Variants in AARS1 observed in about 807,000 individuals in gnomAD.
AARS1 encodes the protein alanine--tRNA ligase, cytoplasmic.
A neutral mutation model predicts 108.9 loss-of-function variants in AARS1; 72 were observed. The ratio of observed to expected loss-of-function variants is 0.66; its 90% confidence interval spans 0.55 to 0.80. The LOEUF (loss-of-function observed/expected upper bound fraction) is 0.80. AARS1 is among the 30% of genes least tolerant of loss of function. The pLI, the probability that AARS1 is intolerant of heterozygous loss-of-function variation, is 0.00. For synonymous variants in AARS1, 489 were observed against 465.7 expected (o/e 1.05, Z -0.64); for missense variants, 1,193 against 1,233.2 (o/e 0.97, Z 0.49).
intron 1 of AARS1, among the ~76,000 whole-genome samples, chr16:70,288,179 T>C (rs1262805864): frequency 7.3e-6 from 1 of 136,128 alleles, no homozygotes; most frequent in Non-Finnish European, 1.5e-5. Context: ...CTCAGCTCAC[T>C]GCAAGCTCCG....
At position 70,265,906 on chromosome 16, in the gene AARS1, C is replaced by G. The variant is rs549342422; in HGVS notation, c.1223-244G>C. 1.7e-4 allele frequency among the ~76,000 whole-genome samples: 26 copies of G among 152,340 alleles called. No individual in the cohort carries two copies. The South Asian group carries it at 5.2e-3, about 30-fold the overall frequency. On this transcript the variant is annotated intron_variant, in intron 9 of 20. Coordinates refer to ENST00000261772, the MANE Select transcript of AARS1 (RefSeq NM_001605.3). ...TTTTAAACCTCACCTGGGCTGGGCA[C>G]CGTGGCTCGCGCCTGTAATCCCAGC...
chr16:70,275,756 C>CCAA (rs577828514), intron 4 of AARS1, among the ~76,000 whole-genome samples: 31 of 149,618 alleles, frequency 2.1e-4, no homozygotes, highest in East Asian at 4.0e-4. Context: ...GAGCGAGACT[C>CCAA]CAACAACAAC....
In AARS1 at chr16:70,258,961, C is replaced by T; in HGVS notation, c.1992+19G>A. On this transcript the variant is annotated intron_variant, in intron 14 of 20. Transcript: ENST00000261772. ...TGACGGTGTGGGGAGGGGGGGCATT[C>T]AGCCGTCGCCCATCCTACCTTGGCT... 1 of 1,612,196 alleles carries T rather than the reference C, an allele frequency of 6.2e-7. No homozygotes were observed. The highest frequency in any genetic ancestry group is 1.1e-5 in the South Asian group (1 of 91,002).
intron 1 of AARS1, among the ~76,000 whole-genome samples, chr16:70,287,033 C>T (rs1245501989): frequency 4.6e-5 from 7 of 151,078 alleles, no homozygotes; most frequent in Admixed American, 6.6e-5. Context: ...GGGCGGATCA[C>T]GAGGTCAGGA....
chr16:70,267,816 A>C lies in AARS1; in HGVS notation c.1072-7T>G. 1.2e-6 allele frequency: 2 copies of C among 1,614,086 alleles called. No homozygotes were observed. The highest frequency in any genetic ancestry group is 1.7e-6 in the Non-Finnish European group (2 of 1,179,998). On this transcript the variant is annotated splice_region_variant and splice_polypyrimidine_tract_variant and intron_variant, in intron 8 of 20. Transcript: ENST00000261772. ...GCTCAGGAAATGCATCTCCCTGACA[A>C]AGGGGAAGCAAGATGAGGGGCTGGA...
intron 2 of AARS1, among the ~76,000 whole-genome samples, chr16:70,280,147 G>C (rs1187587472): frequency 6.6e-6 from 1 of 152,036 alleles, no homozygotes; most frequent in Non-Finnish European, 1.5e-5. Context: ...CAACTCTTGG[G>C]CTCAAGCAAT....
intron 2 of AARS1, 98 bp from the exon 3 acceptor site, chr16:70,277,252 G>A: frequency 2.4e-6 from 3 of 1,254,784 alleles, no homozygotes; most frequent in Non-Finnish European, 2.3e-6. Flanking sequence ...TAACTGTGCA[G>A]TTCATGATTA....
At chr16:70,275,947 A>AAAAAAAAAAAAAAAC (rs1960538288) in intron 4 of AARS1, 1 of 148,260 alleles carries the variant, frequency 6.7e-6, no homozygotes, top group African/African-American at 2.5e-5. Flanking sequence ...AAAAAAAAAA[A>AAAAAAAAAAAAAAAC]AAAAAAAAAA....
At chr16:70,272,255 A>G (rs1355252616) in intron 4 of AARS1, among the ~76,000 whole-genome samples, 1 of 152,180 alleles carries the variant, frequency 6.6e-6, no homozygotes, top group Non-Finnish European at 1.5e-5. Context: ...CTGTAATCCC[A>G]GCATTTTGGG....
At chr16:70,286,362 A>ATTTTT (rs1000406265) in intron 1 of AARS1, among the ~76,000 whole-genome samples, 11 of 117,102 alleles carry the variant, frequency 9.4e-5, no homozygotes, top group African/African-American at 1.7e-4. Context: ...CTCCACAGGA[A>ATTTTT]TTTTTTTTTT....
chr16:70,267,024 G>A (rs769612494), intron 9 of AARS1, among the ~76,000 whole-genome samples: 6 of 152,034 alleles, frequency 3.9e-5, no homozygotes, highest in Non-Finnish European at 7.4e-5. Context: ...TTTTAGTAGA[G>A]ACGGGGTTTT....
rs1206733722 is a variant in AARS1 at position 70,289,465 on chromosome 16, G to A, written c.-66C>T. On this transcript the variant is annotated 5_prime_UTR_variant, in exon 1 of 21. Transcript: ENST00000261772. Reference sequence around the variant, plus strand: ...CCCAGCTCCTCCCTCAGAGTCCCCCGCCAAGGGCCCGCTGCACCTATTCCC... The same window carrying A: ...CCCAGCTCCTCCCTCAGAGTCCCCCACCAAGGGCCCGCTGCACCTATTCCC... The A allele has an allele frequency of 2.8e-5, 12 of 423,128 alleles. No homozygotes were observed. Among genetic ancestry groups the A allele is most frequent in the Non-Finnish European group, 5.3e-5 (11 of 209,518 alleles). The allele number at this position is 423,128 out of a possible 1,614,324, so 26.2% of individuals were successfully genotyped here.
intron 12 of AARS1, 120 bp downstream of exon 12, chr16:70,262,226 G>T (rs1267004475): frequency 6.4e-6 from 8 of 1,258,750 alleles, no homozygotes; most frequent in Non-Finnish European, 8.1e-6. Context: ...AAATACCATG[G>T]AACCCAACCC....
At chr16:70,265,214 C>G (rs1260229335) in intron 10 of AARS1, 112 bp from the exon 11 acceptor site, 5 of 1,343,888 alleles carry the variant, frequency 3.7e-6, no homozygotes, top group Non-Finnish European at 5.3e-6. Context: ...CAGGGTTTTT[C>G]AATCCTGGCA....
chr16:70,260,149 G>C (rs938735041), intron 13 of AARS1, among the ~76,000 whole-genome samples: 6 of 152,270 alleles, frequency 3.9e-5, no homozygotes, highest in Non-Finnish European at 7.3e-5. Context: ...TCCAACTATA[G>C]AGCTGAGTAC....
At chr16:70,268,411 C>T in intron 7 of AARS1, 32 bp from the exon 8 acceptor site, 1 of 1,594,432 alleles carries the variant, frequency 6.3e-7, no homozygotes, top group Non-Finnish European at 8.6e-7. Flanking sequence ...CCCCAACGTT[C>T]CCAGCTGAGG....
At chr16:70,281,781 G>A (rs901062942) in intron 2 of AARS1, among the ~76,000 whole-genome samples, 1 of 152,180 alleles carries the variant, frequency 6.6e-6, no homozygotes, top group Non-Finnish European at 1.5e-5. Context: ...AAGCCCAGGA[G>A]TCTGAGGCTA....
At chr16:70,288,098 CT>C (rs34369477) in intron 1 of AARS1, among the ~76,000 whole-genome samples, 26,991 of 83,494 alleles carry the variant, frequency 0.32, 1,926 homozygotes, top group African/African-American at 0.36. Flanking sequence ...TCCCCTTCTT[CT>C]TTTTTTTTTT....
Position 70,253,029 on chromosome 16 carries a change from G to A in AARS1, c.2722-123C>T, listed in dbSNP as rs187048550. 1.5e-4 allele frequency: 181 copies of A among 1,167,808 alleles called. 3 individuals carry two copies. Among genetic ancestry groups the A allele is most frequent in the African/African-American group, 1.4e-3 (91 of 65,996 alleles). The allele number at this position is 1,167,808 out of a possible 1,614,324, so 72.3% of individuals were successfully genotyped here. On this transcript the variant is annotated intron_variant, in intron 20 of 20. Coordinates refer to ENST00000261772, the MANE Select transcript of AARS1 (RefSeq NM_001605.3). Reference sequence around the variant, plus strand: ...GCCCTGGGTGATACTGCTGGAGGCCGAGACAGACTTTACGGCTGGTACAGG... The same window carrying A: ...GCCCTGGGTGATACTGCTGGAGGCCAAGACAGACTTTACGGCTGGTACAGG...
Sources: gnomAD v4.1 joint callset for allele counts (sites outside exome capture counted in the v4.1 genomes callset) on GRCh38, gnomAD v4.1.1 for gene constraint, MANE v1.5 for transcripts, NCBI Gene and HGNC (gene_info 2026-07-23, HGNC 2026-07-21) for gene names.